Variants in SNX7 observed in about 807,000 individuals in gnomAD.
The protein encoded by SNX7 is sorting nexin-7.
SNX7 carries 35 observed loss-of-function variants against 48.4 expected under a neutral mutation model. That is an observed-to-expected ratio of 0.72 (90% CI 0.55 to 0.96). The LOEUF (loss-of-function observed/expected upper bound fraction) is 0.96, where lower values mean the gene tolerates loss of function less well. Ranked by LOEUF, SNX7 falls within the 40% of genes least tolerant of loss-of-function variation. The pLI, the probability that SNX7 is intolerant of heterozygous loss-of-function variation, is 0.00. For missense variants in SNX7, 553 were observed against 548.9 expected, an observed-to-expected ratio of 1.01 and a Z score of -0.07; for synonymous variants, 190 against 190.2, an observed-to-expected ratio of 1.00 and a Z score of 0.01.
intron 7 of SNX7, among the ~76,000 whole-genome samples, chr1:98,708,419 T>C (rs189266553): frequency 1.6e-4 from 25 of 152,292 alleles, no homozygotes; most frequent in South Asian, 6.2e-4. Flanking sequence ...AGTGGGAATG[T>C]GGCCATCAGA....
At chr1:98,720,908 G>A (rs1652834010) in intron 7 of SNX7, among the ~76,000 whole-genome samples, 1 of 152,034 alleles carries the variant, frequency 6.6e-6, no homozygotes, top group Non-Finnish European at 1.5e-5. Flanking sequence ...ACAGAAAAGA[G>A]ATGAATGTCT....
At chr1:98,722,996 C>T (rs1276670006) in intron 7 of SNX7, among the ~76,000 whole-genome samples, 1 of 152,148 alleles carries the variant, frequency 6.6e-6, no homozygotes, top group Admixed American at 6.5e-5. Context: ...ACCAGATTCC[C>T]ACCTAGTGTA....
intron 7 of SNX7, among the ~76,000 whole-genome samples, chr1:98,731,398 A>G (rs1361510996): frequency 6.6e-6 from 1 of 152,092 alleles, no homozygotes; most frequent in Non-Finnish European, 1.5e-5. Flanking sequence ...AATTCTCACA[A>G]AGTAGTTTTC....
chr1:98,711,110 G>A (rs773893248), intron 7 of SNX7, among the ~76,000 whole-genome samples: 15 of 152,208 alleles, frequency 9.9e-5, no homozygotes, highest in African/African-American at 2.6e-4. Context: ...TCTGTCTCCC[G>A]GGTTCAAGTG....
intron 7 of SNX7, among the ~76,000 whole-genome samples, chr1:98,703,406 T>C (rs1651850609): frequency 6.6e-6 from 1 of 152,142 alleles, no homozygotes; most frequent in Non-Finnish European, 1.5e-5. Flanking sequence ...TATGAATTAC[T>C]CTCACGTTTC....
intron 1 of SNX7, among the ~76,000 whole-genome samples, chr1:98,663,579 C>G (rs1254899094): frequency 6.6e-6 from 1 of 151,944 alleles, no homozygotes; most frequent in African/African-American, 2.4e-5. Flanking sequence ...CGCAGATGTT[C>G]TAGGTGGGAA....
rs755763069 is a variant in SNX7 at position 98,698,916 on chromosome 1, C to G, written c.1038+11C>G. On this transcript the variant is annotated intron_variant, in intron 6 of 8. Transcript: ENST00000306121. ...AGTGAAATGTTAATGGTAAGAACAC[C>G]TAATTCTAATTTTACCTCAGTCCCT... 1 of 1,611,786 alleles carries G rather than the reference C, an allele frequency of 6.2e-7. No individual in the cohort carries two copies. The highest frequency in any genetic ancestry group is 2.2e-5 in the East Asian group (1 of 44,814).
At chr1:98,717,291 G>T (rs767064366) in intron 7 of SNX7, among the ~76,000 whole-genome samples, 16 of 152,114 alleles carry the variant, frequency 1.1e-4, no homozygotes, top group Non-Finnish European at 2.1e-4. Context: ...ATACAATGGG[G>T]TGTAGGTACT....
intron 1 of SNX7, among the ~76,000 whole-genome samples, chr1:98,673,372 A>G (rs1219319278): frequency 6.6e-6 from 1 of 152,188 alleles, no homozygotes; most frequent in Non-Finnish European, 1.5e-5. Context: ...TCCTCAAAGA[A>G]GCTTTCCCTG....
At chr1:98,697,955 T>C (rs1008189767) in intron 5 of SNX7, among the ~76,000 whole-genome samples, 1 of 152,136 alleles carries the variant, frequency 6.6e-6, no homozygotes, top group Non-Finnish European at 1.5e-5. Context: ...GGGTTATTCA[T>C]GAATGAACAA....
chr1:98,714,453 A>G (rs1652480932), intron 7 of SNX7, among the ~76,000 whole-genome samples: 1 of 111,344 alleles, frequency 9.0e-6, no homozygotes, highest in African/African-American at 3.1e-5. Context: ...TCTCTAGTGG[A>G]AGGATGCTGA....
In SNX7 at chr1:98,662,556, A is replaced by G. The variant is rs1051876270; in HGVS notation, c.180+645A>G. ...GTTTTTCCTTGCCCCCGGGAAATTT[A>G]GGACCAAAGGCTCTTATTTGCTTAT... On this transcript the variant is annotated intron_variant, in intron 1 of 8. Transcript: ENST00000306121. 26 of 748,206 alleles carry G rather than the reference A, an allele frequency of 3.5e-5. No homozygotes were observed. In the African/African-American group the frequency reaches 4.5e-4, roughly 13 times the overall value. 46.3% of individuals were successfully genotyped at this position (748,206 alleles called of 1,614,324 possible).
chr1:98,694,596 A>ATTTTTTTTTTTTTTTTTTTTT (rs764330196), intron 4 of SNX7, among the ~76,000 whole-genome samples: 1 of 53,224 alleles, frequency 1.9e-5, no homozygotes, highest in African/African-American at 8.6e-5. Context: ...TTGCTCTGGG[A>ATTTTTTTTTTTTTTTTTTTTT]TTTTTTTTTT....
intron 7 of SNX7, among the ~76,000 whole-genome samples, chr1:98,709,477 C>T (rs908572599): frequency 2.0e-5 from 3 of 152,182 alleles, no homozygotes; most frequent in Admixed American, 6.5e-5. Flanking sequence ...TGGACTCCTA[C>T]GGAATTATTT....
chr1:98,712,660 G>A (rs1393362917), intron 7 of SNX7, among the ~76,000 whole-genome samples: 1 of 152,162 alleles, frequency 6.6e-6, no homozygotes, highest in Non-Finnish European at 1.5e-5. Context: ...TTATCAGAAT[G>A]GTAAATGGAC....
At chr1:98,717,936 C>T (rs758774956) in intron 7 of SNX7, among the ~76,000 whole-genome samples, 10 of 151,900 alleles carry the variant, frequency 6.6e-5, no homozygotes, top group South Asian at 2.1e-4. Flanking sequence ...GACATATATC[C>T]GTGAAATGCA....
intron 7 of SNX7, among the ~76,000 whole-genome samples, chr1:98,727,371 C>T (rs1653234324): frequency 6.6e-6 from 1 of 152,002 alleles, no homozygotes; most frequent in East Asian, 1.9e-4. Context: ...CAAAGCTCAG[C>T]AACCTCAAAG....
chr1:98,680,119 C>T (rs184582044), intron 1 of SNX7, among the ~76,000 whole-genome samples: 9 of 152,340 alleles, frequency 5.9e-5, no homozygotes, highest in African/African-American at 2.2e-4. Context: ...GTGGAGGTTC[C>T]TAAACCCTAA....
At chr1:98,735,932 C>T (rs747435050) in intron 7 of SNX7, among the ~76,000 whole-genome samples, 4 of 152,056 alleles carry the variant, frequency 2.6e-5, no homozygotes, top group Non-Finnish European at 5.9e-5. Context: ...CTGCAGGTGA[C>T]AGTGAGGGCA....
Sources: gnomAD v4.1 joint callset for allele counts (sites outside exome capture counted in the v4.1 genomes callset) on GRCh38, gnomAD v4.1.1 for gene constraint, MANE v1.5 for transcripts, NCBI Gene and HGNC (gene_info 2026-07-23, HGNC 2026-07-21) for gene names.